The following DGKZ variants were observed in gnomAD, a reference collection of about 807,000 sequenced individuals.
DGKZ encodes the protein DAG kinase zeta.
Under a neutral mutation model 142.5 loss-of-function variants are expected in DGKZ, and 45 were observed. The ratio of observed to expected loss-of-function variants is 0.32; its 90% CI spans 0.25 to 0.40. The LOEUF (loss-of-function observed/expected upper bound fraction) is 0.40, where lower values mean the gene tolerates loss of function less well. Among genes scored for constraint, DGKZ ranks in the 10% least tolerant of loss-of-function variants. The pLI is 1.00. For missense variants in DGKZ, 755 were observed against 1,306.5 expected, an observed-to-expected ratio of 0.58 and a Z score of 6.51; for synonymous variants, 442 against 527.0, an observed-to-expected ratio of 0.84 and a Z score of 2.21.
chr11:46,351,408 G>C (rs1941362809), intron 1 of DGKZ, among the ~76,000 whole-genome samples: 1 of 152,196 alleles, frequency 6.6e-6, no homozygotes, highest in African/African-American at 2.4e-5. Context: ...TGAGACAATG[G>C]GTCCCATTTA....
At position 46,368,064 on chromosome 11, in the gene DGKZ, C is replaced by T. The variant is rs761651978; in HGVS notation, c.429C>T (p.Ile143=). 1.3e-5 allele frequency: 21 copies of T among 1,613,964 alleles called. No homozygotes were observed. The highest frequency in any genetic ancestry group is 1.8e-5 in the Non-Finnish European group (21 of 1,180,026). Residue 143 remains isoleucine (I), a synonymous_variant, in exon 4 of 31, where the codon ATC becomes ATT. Coordinates refer to ENST00000527911, the Ensembl canonical transcript of DGKZ. The stretch of plus-strand genomic sequence containing the variant: ...AGATTGTGGTGCACACGCCCTGCAT[C>T]GAGCAGCTGGAGAAGGTGGGTGGGT...
At chr11:46,380,209 C>T (rs61882688) in exon 31 of DGKZ, 6 of 335,120 alleles carry the variant, frequency 1.8e-5, no homozygotes, top group African/African-American at 1.2e-4. Flanking sequence ...ATGCCTTTGC[C>T]GGGGTTCTGG....
At position 46,372,694 on chromosome 11, in the gene DGKZ, G is replaced by T. The variant is rs1444102988; in HGVS notation, c.1071+17G>T. The T allele has an allele frequency of 6.2e-7, 1 of 1,612,788 alleles. No homozygotes were observed. The highest frequency in any genetic ancestry group is 1.1e-5 in the South Asian group (1 of 91,018). ...GACGGCACGGTGAGCTCCCCGCATG[G>T]GCCAGCCGAGCACCAGGGCTGGGCC... On this transcript the variant is annotated intron_variant, in intron 12 of 30. Coordinates refer to ENST00000527911, the Ensembl canonical transcript of DGKZ. This position sits in a 1 kb window ranked among gnomAD's most constrained non-coding sequence, Gnocchi z 5.9.
At chr11:46,351,941 T>C (rs1462087013) in intron 1 of DGKZ, among the ~76,000 whole-genome samples, 1 of 152,162 alleles carries the variant, frequency 6.6e-6, no homozygotes, top group Non-Finnish European at 1.5e-5. Context: ...GATGTGGAGC[T>C]GCCCAGGATT....
intron 1 of DGKZ, among the ~76,000 whole-genome samples, chr11:46,363,561 C>T (rs1590516484): frequency 6.6e-6 from 1 of 152,210 alleles, no homozygotes; most frequent in East Asian, 1.9e-4. Flanking sequence ...TCCTGTAAGC[C>T]GCCCTTGTCT....
chr11:46,346,242 C>T (rs1940598235), upstream of DGKZ, among the ~76,000 whole-genome samples: 1 of 152,188 alleles, frequency 6.6e-6, no homozygotes, highest in Non-Finnish European at 1.5e-5. Context: ...CTGCCAGAAC[C>T]CAAGAGGGGA....
chr11:46,369,823 C>T (rs1158139265), intron 5 of DGKZ, 118 bp from the exon 6 acceptor site: 2 of 1,113,258 alleles, frequency 1.8e-6, no homozygotes, highest in Non-Finnish European at 2.7e-6. Context: ...CTCCTCCACT[C>T]ATGCGCAGGA....
At chr11:46,365,052 G>A in intron 1 of DGKZ, 1 of 985,452 alleles carries the variant, frequency 1.0e-6, no homozygotes, top group South Asian at 4.7e-5. Flanking sequence ...AGGAGAGGTA[G>A]GGCACAGGAG....
At chr11:46,340,536 T>G (rs1049360640) in intron 1 of DGKZ, among the ~76,000 whole-genome samples, 1 of 152,262 alleles carries the variant, frequency 6.6e-6, no homozygotes, top group Non-Finnish European at 1.5e-5. Flanking sequence ...CACCTTTGGC[T>G]GCTGGGCCGC....
Position 46,372,298 on chromosome 11 carries a change from A to T in DGKZ, c.927+128A>T, listed in dbSNP as rs1371281471. On this transcript the variant is annotated intron_variant, in intron 10 of 30. Coordinates refer to ENST00000527911, the Ensembl canonical transcript of DGKZ. The surrounding 1 kb of genome is among the most constrained non-coding windows in gnomAD (Gnocchi z 5.9). ...ATCCCTCTTTCCCAGGGATCCTGAGAAAATCCTGTCCTTTCTCCACCCCTC... is the reference window on the plus strand; with the variant it reads ...ATCCCTCTTTCCCAGGGATCCTGAGTAAATCCTGTCCTTTCTCCACCCCTC... 1 of 1,348,496 alleles carries T rather than the reference A, an allele frequency of 7.4e-7. No individual in the cohort carries two copies. Among genetic ancestry groups the T allele is most frequent in the East Asian group, 2.5e-5 (1 of 40,542 alleles). 83.5% of individuals were successfully genotyped at this position (1,348,496 alleles called of 1,614,324 possible).
chr11:46,367,223 C>T lies in DGKZ; in HGVS notation c.162-68C>T, dbSNP rs1943410238. 6.9e-7 allele frequency: 1 copy of T among 1,439,400 alleles called. No individual in the cohort carries two copies. Among genetic ancestry groups the T allele is most frequent in the Admixed American group, 1.9e-5 (1 of 51,420 alleles). 89.2% of individuals were successfully genotyped at this position (1,439,400 alleles called of 1,614,324 possible). A position where few individuals can be genotyped will look rare whatever the true frequency, so the allele number is the denominator to read the frequency against. ...CGAGGTCACGGAAAGGGCAGAGGCCCCAGGAGGTGGGAGGAAGTAGGGTCA... is the reference window on the plus strand; with the variant it reads ...CGAGGTCACGGAAAGGGCAGAGGCCTCAGGAGGTGGGAGGAAGTAGGGTCA... On this transcript the variant is annotated intron_variant, in intron 1 of 30. Coordinates refer to ENST00000527911, the Ensembl canonical transcript of DGKZ. This position sits in a 1 kb window ranked among gnomAD's most constrained non-coding sequence, Gnocchi z 4.1.
intron 1 of DGKZ, chr11:46,366,257 A>T (rs372366789): frequency 6.3e-7 from 1 of 1,576,394 alleles, no homozygotes; most frequent in Non-Finnish European, 8.5e-7. Context: ...ACCGCCTGCC[A>T]TGGAGACTTT....
intron 1 of DGKZ, among the ~76,000 whole-genome samples, chr11:46,363,886 C>T (rs992115232): frequency 6.6e-6 from 1 of 152,138 alleles, no homozygotes; most frequent in African/African-American, 2.4e-5. Context: ...GGCCCCAGGT[C>T]GGGAAGACCC....
chr11:46,357,736 C>T (rs1265457661), intron 1 of DGKZ, among the ~76,000 whole-genome samples: 1 of 152,220 alleles, frequency 6.6e-6, no homozygotes, highest in Non-Finnish European at 1.5e-5. Context: ...AGCAGGCCTC[C>T]CAGGGCTCTA....
chr11:46,355,487 T>C (rs1590450210), intron 1 of DGKZ, among the ~76,000 whole-genome samples: 1 of 152,272 alleles, frequency 6.6e-6, no homozygotes, highest in African/African-American at 2.4e-5. Context: ...CCTGCAACAC[T>C]CCCTTGAGAG....
chr11:46,346,986 A>G (rs1052154309), upstream of DGKZ, among the ~76,000 whole-genome samples: 1 of 151,878 alleles, frequency 6.6e-6, no homozygotes, highest in Non-Finnish European at 1.5e-5. Context: ...TGTGTAAGGG[A>G]TGTGTTTGTT....
rs1173205620 is a variant in DGKZ at position 46,367,328 on chromosome 11, C to T, written c.199C>T (p.Pro67Ser). ...CAAGTCGGGCCTCCAGCACCTGGCC[C>T]CCCCTCCGCCCACCCCTGGGGCCCC... is the stretch of plus-strand genomic sequence containing the variant. Residue 67 changes from proline to serine, a missense_variant, in exon 2 of 31, where the codon CCC becomes TCC. Pro to Ser is a moderately conservative substitution (Grantham distance 74, BLOSUM62 -1). Around this residue, in one of 8 missense-constraint regions of DGKZ, gnomAD observed 81 missense variants for 86.5 expected, o/e 0.94. Coordinates refer to ENST00000527911, the Ensembl canonical transcript of DGKZ. The surrounding 1 kb of genome is among the most constrained non-coding windows in gnomAD (Gnocchi z 4.1). 2.5e-6 allele frequency: 4 copies of T among 1,612,830 alleles called. No individual in the cohort carries two copies. Among genetic ancestry groups the T allele is most frequent in the Non-Finnish European group, 3.4e-6 (4 of 1,179,980 alleles).
chr11:46,379,618 C>T lies in DGKZ; in HGVS notation c.2688+50C>T, dbSNP rs1944990091. ...CCACGAGGGCACCAACCAAACCTTT[C>T]CCAAGGTCCTAGGCGGGAGCTGGGG... On this transcript the variant is annotated intron_variant, in intron 30 of 30. Coordinates refer to ENST00000527911, the Ensembl canonical transcript of DGKZ. 5 of 1,515,400 alleles carry T rather than the reference C, an allele frequency of 3.3e-6. No individual in the cohort carries two copies. The East Asian group carries it at 1.2e-4, about 35-fold the overall frequency. The allele number at this position is 1,515,400 out of a possible 1,614,324, so 93.9% of individuals were successfully genotyped here.
At chr11:46,364,829 C>T in intron 1 of DGKZ, 1 of 985,428 alleles carries the variant, frequency 1.0e-6, no homozygotes. Context: ...CTTCAGGGGA[C>T]CACAGGGCTT....
Sources: allele counts gnomAD v4.1 joint callset (sites outside exome capture counted in the v4.1 genomes callset), GRCh38; gene constraint gnomAD v4.1.1; regional missense constraint gnomAD v4.1.1; non-coding constraint Gnocchi (gnomAD v3.1); transcripts MANE v1.5; gene names NCBI Gene and HGNC (gene_info 2026-07-23, HGNC 2026-07-21).